The following SLC15A2 variants were observed in gnomAD, a reference collection of about 807,000 sequenced individuals.
SLC15A2 encodes the protein solute carrier family 15 member 2.
SLC15A2 carries 77 observed loss-of-function variants against 95.5 expected under a neutral mutation model. That is an observed-to-expected ratio of 0.81 (90% CI 0.67 to 0.97). SLC15A2 has a LOEUF of 0.97. Ranked by LOEUF, SLC15A2 falls within the 50% of genes least tolerant of loss-of-function variation. The pLI is 0.00. For synonymous variants in SLC15A2, 306 were observed against 306.9 expected, an observed-to-expected ratio of 1.00 and a Z score of 0.03; for missense variants, 893 against 874.4, an observed-to-expected ratio of 1.02 and a Z score of -0.27.
intron 19 of SLC15A2, 55 bp from the exon 20 acceptor site, chr3:121,939,294 G>T: frequency 7.4e-7 from 1 of 1,346,292 alleles, no homozygotes; most frequent in Non-Finnish European, 9.8e-7. Context: ...GCTGTAGTTA[G>T]AAATATTTAC....
chr3:121,895,112 T>C (rs1230712780), intron 1 of SLC15A2, among the ~76,000 whole-genome samples: 1 of 152,216 alleles, frequency 6.6e-6, no homozygotes, highest in Non-Finnish European at 1.5e-5. Context: ...AAACTCATCA[T>C]CTCAGTCAAT....
intron 15 of SLC15A2, 147 bp downstream of exon 15, chr3:121,928,702 C>G: frequency 1.1e-6 from 1 of 910,814 alleles, no homozygotes; most frequent in East Asian, 2.6e-5. Context: ...ATATTCCATT[C>G]TATAGATATA....
chr3:121,926,964 C>G (rs1710134752), intron 13 of SLC15A2, among the ~76,000 whole-genome samples: 1 of 152,262 alleles, frequency 6.6e-6, no homozygotes. Flanking sequence ...GTGTTTCAGA[C>G]TTGCCTGGGG....
At chr3:121,923,724 T>C (rs1710054283) in intron 11 of SLC15A2, among the ~76,000 whole-genome samples, 1 of 152,212 alleles carries the variant, frequency 6.6e-6, no homozygotes, top group Admixed American at 6.5e-5. Context: ...ATTTTCTCTT[T>C]TTCCAAACTC....
chr3:121,935,349 C>T (rs1050940049), intron 19 of SLC15A2, among the ~76,000 whole-genome samples: 1 of 152,160 alleles, frequency 6.6e-6, no homozygotes, highest in African/African-American at 2.4e-5. Flanking sequence ...GTATCAGTTC[C>T]TCCTTGTATC....
At position 121,927,739 on chromosome 3, in the gene SLC15A2, T is replaced by C; in HGVS notation, c.1125-19T>C. On this transcript the variant is annotated intron_variant, in intron 13 of 21. Transcript: ENST00000489711. ...AGAGTCTAAAGTTTAGATATAATTG[T>C]TTCTCCTTTCCACCACAGATCACTT... 6.3e-7 allele frequency: 1 copy of C among 1,592,374 alleles called. No individual in the cohort carries two copies. Among genetic ancestry groups the C allele is most frequent in the South Asian group, 1.1e-5 (1 of 90,746 alleles).
rs35704138 is a variant in SLC15A2, at chr3:121,894,594, A to G, written c.105+13A>G. 3.9e-4 allele frequency: 618 copies of G among 1,601,246 alleles called. 1 individual carries two copies. The highest frequency in any genetic ancestry group is 5.0e-4 in the Non-Finnish European group (583 of 1,169,044). On this transcript the variant is annotated intron_variant, in intron 1 of 21. Transcript: ENST00000489711. ...GAAGCCATCTCCGGTGAGTCCTTAG[A>G]TTCAATCCTGCCTCTGAGAGGAATG...
intron 6 of SLC15A2, 99 bp downstream of exon 6, chr3:121,915,416 C>A: frequency 1.2e-6 from 1 of 869,458 alleles, no homozygotes; most frequent in Non-Finnish European, 1.9e-6. Context: ...TTTATAAGAG[C>A]TTGATAATCT....
rs1490959245 is a variant in SLC15A2 at position 121,897,389 on chromosome 3, T to C, written c.195T>C (p.Ala65=). The C allele has an allele frequency of 6.2e-7, 1 of 1,614,024 alleles. No individual in the cohort carries two copies. Among genetic ancestry groups the C allele is most frequent in the East Asian group, 2.2e-5 (1 of 44,864 alleles). The change falls in exon 3 of 22, where the codon GCT becomes GCC. Residue 65 remains alanine, a splice_region_variant and synonymous_variant. Transcript: ENST00000489711. ...GCCTCCTTTTTTTTCCCACTACAGCTGTGCTGATCCTGTATTTCCTGTATT... is the reference window on the plus strand; with the variant it reads ...GCCTCCTTTTTTTTCCCACTACAGCCGTGCTGATCCTGTATTTCCTGTATT... The part of the protein sequence containing the change: ...CERFSYYGMK[A]VLILYFLYFL...
At chr3:121,900,649 C>G (rs1709503299) in intron 3 of SLC15A2, among the ~76,000 whole-genome samples, 1 of 152,108 alleles carries the variant, frequency 6.6e-6, no homozygotes, top group Non-Finnish European at 1.5e-5. Flanking sequence ...CCAATGACAT[C>G]TCTTTTTCAT....
At chr3:121,915,045 G>A in intron 5 of SLC15A2, 182 bp from the exon 6 acceptor site, 1 of 1,324,738 alleles carries the variant, frequency 7.5e-7, no homozygotes, top group East Asian at 2.8e-5. Context: ...TGAAAGGTGA[G>A]TAAATGATTG....
Position 121,937,173 on chromosome 3 carries a change from C to G in SLC15A2, c.1762-2176C>G, listed in dbSNP as rs1466780132. On this transcript the variant is annotated intron_variant, in intron 19 of 21. Transcript: ENST00000489711. ...GGGCTTCCCTTTGAGGGTAACCCGA[C>G]CTTTCTCTCTGGCTGCCCTTAACAT... Among the ~76,000 whole-genome samples, 87 of 75,534 alleles carry G rather than the reference C, an allele frequency of 1.2e-3. 1 individual carries two copies. The South Asian group carries it at 0.016, about 14-fold the overall frequency. 49.6% of individuals were successfully genotyped at this position (75,534 alleles called of 152,430 possible).
chr3:121,928,666 G>A, intron 15 of SLC15A2, 111 bp downstream of exon 15: 1 of 1,248,902 alleles, frequency 8.0e-7, no homozygotes, highest in South Asian at 1.5e-5. Flanking sequence ...GATAATCTTT[G>A]AGCACATGAT....
chr3:121,928,310 T>A lies in SLC15A2; in HGVS notation c.1207-111T>A, dbSNP rs1309370844. On this transcript the variant is annotated intron_variant, in intron 14 of 21. Coordinates refer to ENST00000489711, the MANE Select transcript of SLC15A2 (RefSeq NM_021082.4). The stretch of plus-strand genomic sequence containing the variant: ...CAAATATTTTTCAGAGGGAGAAAAC[T>A]ATGTCTACTTGGCTAGTGGACTAGG... 7 of 1,316,048 alleles carry A rather than the reference T, an allele frequency of 5.3e-6. No homozygotes were observed. In the East Asian group the frequency reaches 1.4e-4, roughly 27 times the overall value. 81.5% of individuals were successfully genotyped at this position (1,316,048 alleles called of 1,614,324 possible).
At position 121,929,027 on chromosome 3, in the gene SLC15A2, G is replaced by T. The variant is rs574297654; in HGVS notation, c.1387G>T (p.Asp463Tyr). The change falls in exon 16 of 22, where the codon GAT (aspartate) becomes TAT (tyrosine). Residue 463 changes from aspartate (D) to tyrosine (Y), a missense_variant. Asp to Tyr is a radical substitution (Grantham distance 160, BLOSUM62 -3). Transcript: ENST00000489711. ...SKLHLKTKSQ[D>Y]FHFHLKYHNL... ...ACTGCACCTGAAAACAAAAAGCCAG[G>T]ATTTTCACTTCCACCTGAAATATCA... The T allele has an allele frequency of 2.5e-6, 4 of 1,613,912 alleles. No individual in the cohort carries two copies. The highest frequency in any genetic ancestry group is 3.4e-6 in the Non-Finnish European group (4 of 1,179,988).
chr3:121,904,691 G>A (rs527574021), intron 3 of SLC15A2, among the ~76,000 whole-genome samples: 10 of 152,304 alleles, frequency 6.6e-5, no homozygotes, highest in African/African-American at 2.4e-4. Flanking sequence ...TTGCATCCCA[G>A]GGATGAAGCC....
chr3:121,927,393 T>C (rs1014361909), intron 13 of SLC15A2, among the ~76,000 whole-genome samples: 1 of 152,236 alleles, frequency 6.6e-6, no homozygotes, highest in Non-Finnish European at 1.5e-5. Flanking sequence ...TGTGGTGCTA[T>C]CTTCATGATA....
chr3:121,925,780 A>G (rs1207186619), intron 13 of SLC15A2, among the ~76,000 whole-genome samples: 85 of 55,166 alleles, frequency 1.5e-3, no homozygotes, highest in Non-Finnish European at 2.3e-3. Flanking sequence ...ATATATATAT[A>G]TAAAATACAA....
chr3:121,916,351 A>G (rs1277541445), intron 7 of SLC15A2, among the ~76,000 whole-genome samples: 3 of 152,196 alleles, frequency 2.0e-5, no homozygotes, highest in Non-Finnish European at 2.9e-5. Flanking sequence ...AAACTTGGGC[A>G]TGATTATTTC....
Sources: allele counts gnomAD v4.1 joint callset (sites outside exome capture counted in the v4.1 genomes callset), GRCh38; gene constraint gnomAD v4.1.1; transcripts MANE v1.5; gene names NCBI Gene and HGNC (gene_info 2026-07-23, HGNC 2026-07-21).